Variants in CNTN5 observed in about 807,000 individuals in gnomAD.
CNTN5 encodes the protein contactin-5.
Under a neutral mutation model 129.1 loss-of-function variants are expected in CNTN5, and 77 were observed. That is an observed-to-expected ratio of 0.60 (90% CI 0.50 to 0.72). The LOEUF (loss-of-function observed/expected upper bound fraction) is 0.72, where lower values mean the gene tolerates loss of function less well. Ranked by LOEUF, CNTN5 falls within the 30% of genes least tolerant of loss-of-function variation. CNTN5 has a pLI of 0.00. For synonymous variants in CNTN5, 509 were observed against 465.6 expected (o/e 1.09, Z -1.20); for missense variants, 1,478 against 1,328.8 (o/e 1.11, Z -1.75).
chr11:99,195,775 G>T (rs1180446756), intron 1 of CNTN5, among the ~76,000 whole-genome samples: 1 of 151,880 alleles, frequency 6.6e-6, no homozygotes. Context: ...AAATTTGTGG[G>T]TGTTTGCAGT....
At chr11:99,571,918 G>A (rs1382421819) in intron 3 of CNTN5, among the ~76,000 whole-genome samples, 1 of 152,036 alleles carries the variant, frequency 6.6e-6, no homozygotes, top group Non-Finnish European at 1.5e-5. Context: ...TAAAGACTTT[G>A]AAGAAAGTAA....
chr11:99,895,880 G>C (rs552442796), intron 6 of CNTN5, among the ~76,000 whole-genome samples: 1 of 152,056 alleles, frequency 6.6e-6, no homozygotes, highest in Non-Finnish European at 1.5e-5. Context: ...GCATTTTTCC[G>C]TGTCCCTAGA....
intron 3 of CNTN5, among the ~76,000 whole-genome samples, chr11:99,729,972 G>GA (rs1943476356): frequency 6.6e-6 from 1 of 152,094 alleles, no homozygotes; most frequent in African/African-American, 2.4e-5. Flanking sequence ...CCTAGGTGAT[G>GA]GGTTGAGAGG....
intron 1 of CNTN5, among the ~76,000 whole-genome samples, chr11:99,042,599 C>T (rs4754578): frequency 0.091 from 13,814 of 151,704 alleles, 1,159 homozygotes; most frequent in East Asian, 0.23. Flanking sequence ...ATGGTCTCGA[C>T]CTTCTGACCT....
chr11:99,200,031 A>G (rs934345727), intron 1 of CNTN5, among the ~76,000 whole-genome samples: 2 of 152,150 alleles, frequency 1.3e-5, no homozygotes, highest in African/African-American at 4.8e-5. Flanking sequence ...TCTGTTTCCT[A>G]CTGTATTGCT....
At chr11:99,738,825 A>G (rs1209887774) in intron 3 of CNTN5, among the ~76,000 whole-genome samples, 1 of 152,166 alleles carries the variant, frequency 6.6e-6, no homozygotes, top group Non-Finnish European at 1.5e-5. Flanking sequence ...AGGAATGTAA[A>G]TAATAAGGTG....
intron 13 of CNTN5, among the ~76,000 whole-genome samples, chr11:100,149,328 C>T (rs951341065): frequency 2.0e-5 from 3 of 152,026 alleles, no homozygotes; most frequent in African/African-American, 7.2e-5. Context: ...TAAAACAATG[C>T]AGTAAAATTA....
At chr11:100,114,094 C>T (rs139051211) in intron 13 of CNTN5, among the ~76,000 whole-genome samples, 32 of 152,124 alleles carry the variant, frequency 2.1e-4, no homozygotes, top group African/African-American at 5.3e-4. Context: ...TAAAAGTATT[C>T]GAACTTTGGG....
At chr11:99,842,710 A>C (rs190752178) in intron 4 of CNTN5, among the ~76,000 whole-genome samples, 24 of 152,280 alleles carry the variant, frequency 1.6e-4, no homozygotes, top group Admixed American at 8.5e-4. Flanking sequence ...TTAAAATTTG[A>C]TTTATAAAAG....
intron 3 of CNTN5, among the ~76,000 whole-genome samples, chr11:99,716,025 T>A (rs201927014): frequency 2.0e-5 from 3 of 151,532 alleles, no homozygotes; most frequent in African/African-American, 2.4e-5. Context: ...TCATCTAATT[T>A]AAAAAAAAGT....
chr11:99,873,878 C>T (rs1591347091), intron 6 of CNTN5, among the ~76,000 whole-genome samples: 1 of 152,042 alleles, frequency 6.6e-6, no homozygotes, highest in East Asian at 1.9e-4. Flanking sequence ...CACAATGCAG[C>T]CATAAAAAAA....
chr11:100,015,133 A>G (rs935502385), intron 9 of CNTN5, among the ~76,000 whole-genome samples: 1 of 152,188 alleles, frequency 6.6e-6, no homozygotes, highest in Non-Finnish European at 1.5e-5. Context: ...ATAGGTATAT[A>G]TATGTACTCA....
intron 1 of CNTN5, among the ~76,000 whole-genome samples, chr11:99,182,417 T>G (rs528481427): frequency 6.6e-6 from 1 of 152,126 alleles, no homozygotes; most frequent in Admixed American, 6.6e-5. Flanking sequence ...AAGATTCCTC[T>G]GGGGATTAGC....
At chr11:100,312,819 A>C (rs1253048617) in intron 21 of CNTN5, among the ~76,000 whole-genome samples, 2 of 152,140 alleles carry the variant, frequency 1.3e-5, no homozygotes, top group Non-Finnish European at 2.9e-5. Flanking sequence ...CAGTGTTTTC[A>C]GCTGCCCCTC....
intron 4 of CNTN5, among the ~76,000 whole-genome samples, chr11:99,843,413 T>G (rs1347289295): frequency 1.3e-5 from 2 of 152,212 alleles, no homozygotes; most frequent in African/African-American, 4.8e-5. Context: ...TCCAAATTTG[T>G]TCTTCTAAAT....
At chr11:99,909,486 A>T (rs547150499) in intron 6 of CNTN5, among the ~76,000 whole-genome samples, 38 of 152,102 alleles carry the variant, frequency 2.5e-4, no homozygotes, top group Non-Finnish European at 4.9e-4. Flanking sequence ...ATTATAAAAC[A>T]TGCTGCTCTA....
At chr11:99,728,098 A>G (rs118070570) in intron 3 of CNTN5, among the ~76,000 whole-genome samples, 2 of 152,308 alleles carry the variant, frequency 1.3e-5, no homozygotes, top group East Asian at 3.9e-4. Flanking sequence ...TAGAATCAGT[A>G]GGGAAAAGTG....
At chr11:99,676,440 A>T (rs145665936) in intron 3 of CNTN5, among the ~76,000 whole-genome samples, 1 of 152,284 alleles carries the variant, frequency 6.6e-6, no homozygotes, top group East Asian at 1.9e-4. Context: ...TTGTCACATT[A>T]TGGGATTTTT....
In CNTN5 at chr11:99,956,705, T is replaced by C. The variant is rs956590291; in HGVS notation, c.674-101T>C. On this transcript the variant is annotated intron_variant, in intron 7 of 24. Coordinates refer to ENST00000524871, the MANE Select transcript of CNTN5 (RefSeq NM_014361.4). ...ATACATGGATCAAATATGTATGACC[T>C]TGCAATATATCTAATGCTTTCTAAA... 30 of 755,902 alleles carry C rather than the reference T, an allele frequency of 4.0e-5. No homozygotes were observed. The South Asian group carries it at 5.0e-4, about 13-fold the overall frequency. The allele number at this position is 755,902 out of a possible 1,614,324, so 46.8% of individuals were successfully genotyped here. A position where few individuals can be genotyped will look rare whatever the true frequency, so the allele number is the denominator to read the frequency against.
Sources: gnomAD v4.1 joint callset for allele counts (sites outside exome capture counted in the v4.1 genomes callset) on GRCh38, gnomAD v4.1.1 for gene constraint, MANE v1.5 for transcripts, NCBI Gene and HGNC (gene_info 2026-07-23, HGNC 2026-07-21) for gene names.